RABGAP1L: variants seen among roughly 807,000 people sequenced by gnomAD.
RABGAP1L encodes rab GTPase-activating protein 1-like.
RABGAP1L carries 63 observed loss-of-function variants against 137.7 expected under a neutral mutation model. The ratio of observed to expected loss-of-function variants is 0.46; its 90% CI spans 0.37 to 0.56. The LOEUF (loss-of-function observed/expected upper bound fraction) is 0.56. Ranked by LOEUF, RABGAP1L falls within the 20% of genes least tolerant of loss-of-function variation. The pLI is 0.00. For missense variants in RABGAP1L, 1,095 were observed against 1,244.0 expected (o/e 0.88, Z 1.80); for synonymous variants, 431 against 433.7 (o/e 0.99, Z 0.08).
At chr1:174,809,855 G>C (rs1689699460) in intron 18 of RABGAP1L, among the ~76,000 whole-genome samples, 1 of 152,196 alleles carries the variant, frequency 6.6e-6, no homozygotes, top group Admixed American at 6.5e-5. Context: ...ATTTTAGTTA[G>C]AGAGGCTCTC....
chr1:174,847,696 A>G (rs911269245), intron 19 of RABGAP1L, among the ~76,000 whole-genome samples: 22 of 130,754 alleles, frequency 1.7e-4, no homozygotes, highest in South Asian at 2.9e-4. Context: ...GAATCTGACA[A>G]TTATGTGTCT....
At chr1:174,537,796 A>T (rs951116842) in intron 13 of RABGAP1L, among the ~76,000 whole-genome samples, 8 of 152,212 alleles carry the variant, frequency 5.3e-5, no homozygotes, top group Non-Finnish European at 2.9e-5. Flanking sequence ...AACACAAAAA[A>T]GTTATAATTT....
chr1:174,343,217 T>G (rs191258093), intron 11 of RABGAP1L, among the ~76,000 whole-genome samples: 40 of 152,330 alleles, frequency 2.6e-4, no homozygotes, highest in South Asian at 1.0e-3. Flanking sequence ...TTTCCATTTC[T>G]CTTTTGAGGG....
intron 14 of RABGAP1L, among the ~76,000 whole-genome samples, chr1:174,652,827 G>C (rs1418184409): frequency 6.6e-6 from 1 of 152,200 alleles, no homozygotes; most frequent in Non-Finnish European, 1.5e-5. Context: ...CAAGCACAGT[G>C]ATGAGAGATC....
intron 15 of RABGAP1L, among the ~76,000 whole-genome samples, chr1:174,699,255 A>C (rs1045280431): frequency 6.6e-6 from 1 of 152,108 alleles, no homozygotes; most frequent in Non-Finnish European, 1.5e-5. Context: ...GGCCTCCCAA[A>C]GTGTGCTTTG....
intron 13 of RABGAP1L, among the ~76,000 whole-genome samples, chr1:174,614,617 G>C (rs1416408841): frequency 6.6e-6 from 1 of 152,132 alleles, no homozygotes; most frequent in East Asian, 1.9e-4. Context: ...GAATCTGAAT[G>C]TTGGCCTGCC....
In RABGAP1L at chr1:174,802,778, A is replaced by G. The variant is rs1688870345; in HGVS notation, c.2212-9054A>G. 2.0e-5 allele frequency among the ~76,000 whole-genome samples: 3 copies of G among 152,362 alleles called. 1 individual carries two copies. The South Asian group carries it at 6.2e-4, about 32-fold the overall frequency. On this transcript the variant is annotated intron_variant, in intron 18 of 25. Transcript: ENST00000681986. ...ATATGGCTGTTAGTTGGGCTCTGCT[A>G]TTCAGTAAGTTACTGCTCAAAGTTT... is the stretch of plus-strand genomic sequence containing the variant.
intron 13 of RABGAP1L, among the ~76,000 whole-genome samples, chr1:174,430,239 G>A (rs530024872): frequency 2.8e-4 from 43 of 152,018 alleles, no homozygotes; most frequent in African/African-American, 9.6e-4. Context: ...GAAATTAGCC[G>A]GGTGTGGTGG....
intron 10 of RABGAP1L, among the ~76,000 whole-genome samples, chr1:174,299,841 A>G (rs1272638982): frequency 6.6e-6 from 1 of 152,192 alleles, no homozygotes; most frequent in Non-Finnish European, 1.5e-5. Context: ...ACAGTCTCCA[A>G]AGTTATCAGA....
chr1:174,673,122 A>G (rs1184843268), intron 14 of RABGAP1L, among the ~76,000 whole-genome samples: 1 of 152,076 alleles, frequency 6.6e-6, no homozygotes, highest in East Asian at 1.9e-4. Context: ...GCTCACATAC[A>G]CCCATAGCTC....
At chr1:174,937,619 A>AATATATATATAT (rs148901840) in intron 19 of RABGAP1L, among the ~76,000 whole-genome samples, 1,660 of 109,590 alleles carry the variant, frequency 0.015, 238 homozygotes, top group African/African-American at 0.078. Context: ...TACTTCATTA[A>AATATATATATAT]ATATATATAT....
intron 4 of RABGAP1L, among the ~76,000 whole-genome samples, chr1:174,234,834 T>C: frequency 6.8e-6 from 1 of 147,712 alleles, no homozygotes; most frequent in African/African-American, 2.6e-5. Flanking sequence ...GGGGATGGCA[T>C]TGAATCTGTA....
intron 13 of RABGAP1L, among the ~76,000 whole-genome samples, chr1:174,473,149 A>G (rs1290552380): frequency 1.3e-5 from 2 of 152,220 alleles, no homozygotes; most frequent in Non-Finnish European, 2.9e-5. Flanking sequence ...AAAGTCAGCC[A>G]TGGAACATAA....
chr1:174,328,215 G>A (rs769710639), intron 11 of RABGAP1L, among the ~76,000 whole-genome samples: 13 of 151,592 alleles, frequency 8.6e-5, no homozygotes, highest in Non-Finnish European at 1.9e-4. Context: ...GACATTTATA[G>A]AACATTCTGT....
intron 13 of RABGAP1L, among the ~76,000 whole-genome samples, chr1:174,617,569 G>A (rs1672006118): frequency 1.3e-5 from 2 of 152,040 alleles, no homozygotes; most frequent in African/African-American, 4.8e-5. Flanking sequence ...TCTACTTTTA[G>A]GTAACTAAAA....
At chr1:174,533,233 C>T (rs1664590698) in intron 13 of RABGAP1L, among the ~76,000 whole-genome samples, 2 of 152,206 alleles carry the variant, frequency 1.3e-5, no homozygotes, top group African/African-American at 4.8e-5. Context: ...GACTCCGTCT[C>T]AAAAATAAAT....
At chr1:174,283,989 A>C (rs1484911302) in intron 10 of RABGAP1L, among the ~76,000 whole-genome samples, 1 of 152,206 alleles carries the variant, frequency 6.6e-6, no homozygotes, top group Non-Finnish European at 1.5e-5. Flanking sequence ...TCAGGGTATA[A>C]TTGAAAAAAC....
chr1:174,977,386 G>C (rs2149379744), intron 22 of RABGAP1L, among the ~76,000 whole-genome samples: 1 of 152,196 alleles, frequency 6.6e-6, no homozygotes, highest in East Asian at 1.9e-4. Flanking sequence ...CCATCTTTGG[G>C]CCACTTAAGC....
At chr1:174,318,624 C>CTTTCTTTCTTTCTTTCT (rs1558127944) in intron 11 of RABGAP1L, among the ~76,000 whole-genome samples, 4 of 134,692 alleles carry the variant, frequency 3.0e-5, no homozygotes, top group Non-Finnish European at 6.3e-5. Flanking sequence ...TTCTTTCTTT[C>CTTTCTTTCTTTCTTTCT]TTTCTTTCTT....
Sources: gnomAD v4.1 joint callset for allele counts (sites outside exome capture counted in the v4.1 genomes callset) on GRCh38, gnomAD v4.1.1 for gene constraint, MANE v1.5 for transcripts, NCBI Gene and HGNC (gene_info 2026-07-23, HGNC 2026-07-21) for gene names.